Variants in MYCL observed in about 807,000 individuals in gnomAD.
MYCL encodes MYCL proto-oncogene, bHLH transcription factor.
MYCL carries 11 observed loss-of-function variants against 31.0 expected under a neutral mutation model. The observed-to-expected ratio is 0.35, with a 90% CI of 0.22 to 0.59. MYCL has a LOEUF of 0.59. Among genes scored for constraint, MYCL ranks in the 20% least tolerant of loss-of-function variants. The pLI is 0.79. For missense variants in MYCL, 427 were observed against 486.1 expected, an observed-to-expected ratio of 0.88 and a Z score of 1.14; for synonymous variants, 208 against 202.4, an observed-to-expected ratio of 1.03 and a Z score of -0.23.
chr1:39,900,603 G>A, intron 1 of MYCL: 2 of 1,236,664 alleles, frequency 1.6e-6, no homozygotes, highest in Non-Finnish European at 2.0e-6. Flanking sequence ...AAAACTTCAG[G>A]TTTGGAGTGT....
chr1:39,901,440 C>T lies in MYCL; in HGVS notation c.-6G>A, dbSNP rs2124721028. On this transcript the variant is annotated 5_prime_UTR_variant, in exon 1 of 2. Transcript: ENST00000372816. The surrounding 1 kb of genome is among the most constrained non-coding windows in gnomAD (Gnocchi z 6.9). Reference sequence around the variant, plus strand: ...TGGTACGAGTCGTAGTCCATGTCCGCTCCCTGCGGGAGGGAAGGGGGGACG... The same window carrying T: ...TGGTACGAGTCGTAGTCCATGTCCGTTCCCTGCGGGAGGGAAGGGGGGACG... The T allele has an allele frequency of 1.2e-6, 2 of 1,609,798 alleles. No individual in the cohort carries two copies. The highest frequency in any genetic ancestry group is 2.2e-5 in the East Asian group (1 of 44,760).
At chr1:39,900,544 T>TCTCC in intron 1 of MYCL, 5 of 1,158,842 alleles carry the variant, frequency 4.3e-6, no homozygotes, top group South Asian at 8.7e-5. Context: ...CTCGGCTTCT[T>TCTCC]CTCCCCCTAG....
At chr1:39,900,065 A>AC in intron 1 of MYCL, 1 of 985,324 alleles carries the variant, frequency 1.0e-6, no homozygotes. Context: ...TACTGCCTTG[A>AC]CCCCAGCATG....
rs893214182 is a variant in MYCL at position 39,901,629 on chromosome 1, C to G, written c.-195G>C. On this transcript the variant is annotated 5_prime_UTR_variant, in exon 1 of 2. Coordinates refer to ENST00000372816, the MANE Select transcript of MYCL (RefSeq NM_001033081.3). The surrounding 1 kb of genome is among the most constrained non-coding windows in gnomAD (Gnocchi z 6.9). ...GGTCAGAGTGGTAGGGGAAGCCAAT[C>G]GCAGCGCGCGGACCCGACTGTGGGC... is the stretch of plus-strand genomic sequence containing the variant. The G allele has an allele frequency of 2.4e-5, 34 of 1,388,088 alleles. No homozygotes were observed. Among genetic ancestry groups the G allele is most frequent in the African/African-American group, 3.0e-5 (2 of 65,858 alleles). The allele number at this position is 1,388,088 out of a possible 1,614,324, so 86.0% of individuals were successfully genotyped here. A position where few individuals can be genotyped will look rare whatever the true frequency, so the allele number is the denominator to read the frequency against.
chr1:39,900,133 C>T (rs1053501577), intron 1 of MYCL: 2 of 985,590 alleles, frequency 2.0e-6, no homozygotes, highest in Middle Eastern at 5.2e-4. Flanking sequence ...TGCCAGGGAG[C>T]AGCTGACGCT....
chr1:39,898,165 G>A, intron 1 of MYCL, 195 bp from the exon 2 acceptor site: 1 of 740,444 alleles, frequency 1.4e-6, no homozygotes, highest in Non-Finnish European at 2.1e-6. Context: ...GAAAGGAGGG[G>A]ACATTAGCAA....
chr1:39,897,262 G>T lies in MYCL; in HGVS notation c.*110C>A. ...GCTGCAATGCATTCTGGGATCTACTGTCCAGACTGTCCCACCATAACCAAA... is the reference window on the plus strand; with the variant it reads ...GCTGCAATGCATTCTGGGATCTACTTTCCAGACTGTCCCACCATAACCAAA... On this transcript the variant is annotated 3_prime_UTR_variant, in exon 2 of 2. Coordinates refer to ENST00000372816, the MANE Select transcript of MYCL (RefSeq NM_001033081.3). The surrounding 1 kb of genome is among the most constrained non-coding windows in gnomAD (Gnocchi z 4.3). 1 of 960,096 alleles carries T rather than the reference G, an allele frequency of 1.0e-6. No individual in the cohort carries two copies. 59.5% of individuals were successfully genotyped at this position (960,096 alleles called of 1,614,324 possible).
In MYCL at chr1:39,901,506, G is replaced by C; in HGVS notation, c.-72C>G. On this transcript the variant is annotated 5_prime_UTR_variant, in exon 1 of 2. Transcript: ENST00000372816. The surrounding 1 kb of genome is among the most constrained non-coding windows in gnomAD (Gnocchi z 6.9). ...GGCCGGGCGAAGGAGGTGTCCCCGG[G>C]TCCCTCGGCACAGTCGGCTGCCGGG... 1.3e-6 allele frequency: 2 copies of C among 1,564,112 alleles called. No homozygotes were observed. The highest frequency in any genetic ancestry group is 1.7e-6 in the Non-Finnish European group (2 of 1,164,714).
chr1:39,897,348 A>G lies in MYCL; in HGVS notation c.*24T>C, dbSNP rs1644491618. The G allele has an allele frequency of 1.3e-6, 2 of 1,552,444 alleles. No individual in the cohort carries two copies. The highest frequency in any genetic ancestry group is 2.8e-5 in the African/African-American group (2 of 72,618). On this transcript the variant is annotated 3_prime_UTR_variant, in exon 2 of 2. Coordinates refer to ENST00000372816, the MANE Select transcript of MYCL (RefSeq NM_001033081.3). This position sits in a 1 kb window ranked among gnomAD's most constrained non-coding sequence, Gnocchi z 4.3. ...AAATAAACTTGTGTCTTCGTAAGACAGAACTGTCAGGCTTTTTGGTCAGTT... is the reference window on the plus strand; with the variant it reads ...AAATAAACTTGTGTCTTCGTAAGACGGAACTGTCAGGCTTTTTGGTCAGTT...
In MYCL at chr1:39,901,719, G is replaced by A. The variant is rs2124721660; in HGVS notation, c.-285C>T. 8.2e-7 allele frequency: 1 copy of A among 1,213,350 alleles called. No homozygotes were observed. 75.2% of individuals were successfully genotyped at this position (1,213,350 alleles called of 1,614,324 possible). A position where few individuals can be genotyped will look rare whatever the true frequency, so the allele number is the denominator to read the frequency against. The stretch of plus-strand genomic sequence containing the variant: ...GCAGCTCCCAGGGCCCGGCGGGGCC[G>A]GGCGGGGGCGCGCCGTGCCCAGAAG... On this transcript the variant is annotated 5_prime_UTR_variant, in exon 1 of 2. Coordinates refer to ENST00000372816, the MANE Select transcript of MYCL (RefSeq NM_001033081.3). The surrounding 1 kb of genome is among the most constrained non-coding windows in gnomAD (Gnocchi z 6.9).
Position 39,901,375 on chromosome 1 carries a change from G to A in MYCL, c.60C>T (p.Tyr20=). 6.2e-7 allele frequency: 1 copy of A among 1,612,596 alleles called. No individual in the cohort carries two copies. Among genetic ancestry groups the A allele is most frequent in the Non-Finnish European group, 8.5e-7 (1 of 1,179,618 alleles). ...TGTCCTCGCTGGGCGCCGTGGAGCG[G>A]TAGAAATCCTCCCCGCAGTCATAGT... is the stretch of plus-strand genomic sequence containing the variant. ...FYDYDCGEDF[Y]RSTAPSEDIW... is the part of the protein sequence containing the mutation. The change falls in exon 1 of 2, where the codon TAC becomes TAT. Residue 20 remains tyrosine, a synonymous_variant. Transcript: ENST00000372816. The surrounding 1 kb of genome is among the most constrained non-coding windows in gnomAD (Gnocchi z 6.9).
chr1:39,900,536 C>CG (rs1384160899), intron 1 of MYCL: 1 of 1,143,052 alleles, frequency 8.7e-7, no homozygotes, highest in Non-Finnish European at 1.1e-6. Context: ...AAAAGGCTCT[C>CG]GGCTTCTTCT....
chr1:39,898,444 G>A (rs1358908727), intron 1 of MYCL, among the ~76,000 whole-genome samples: 1 of 152,204 alleles, frequency 6.6e-6, no homozygotes, highest in East Asian at 1.9e-4. Context: ...TTGGGGAATT[G>A]TTACTTTTCA....
chr1:39,901,767 C>A lies in MYCL; in HGVS notation c.-333G>T. The A allele has an allele frequency of 1.6e-6, 2 of 1,230,800 alleles. No individual in the cohort carries two copies. Among genetic ancestry groups the A allele is most frequent in the Non-Finnish European group, 2.0e-6 (2 of 982,156 alleles). The allele number at this position is 1,230,800 out of a possible 1,614,324, so 76.2% of individuals were successfully genotyped here. Reference sequence around the variant, plus strand: ...AAGGCAGCCTGCAGCCAGCCCGCACCGCGGGACCCGCGCCCGTGCCCTGGC... The same window carrying A: ...AAGGCAGCCTGCAGCCAGCCCGCACAGCGGGACCCGCGCCCGTGCCCTGGC... On this transcript the variant is annotated 5_prime_UTR_variant, in exon 1 of 2. Transcript: ENST00000372816. The surrounding 1 kb of genome is among the most constrained non-coding windows in gnomAD (Gnocchi z 6.9).
chr1:39,897,418 C>T lies in MYCL; in HGVS notation c.1049G>A (p.Arg350Gln), dbSNP rs561113951. Residue 350 changes from arginine to glutamine, a missense_variant, in exon 2 of 2, where the codon CGG (arginine) becomes CAG (glutamine). Coordinates refer to ENST00000372816, the MANE Select transcript of MYCL (RefSeq NM_001033081.3). This position sits in a 1 kb window ranked among gnomAD's most constrained non-coding sequence, Gnocchi z 4.3. ...AATTCTTTTCTGCAACTGCTGCTGCCGGCATCGGAGCTGTCTTTTCTCTGT... is the reference window on the plus strand; with the variant it reads ...AATTCTTTTCTGCAACTGCTGCTGCTGGCATCGGAGCTGTCTTTTCTCTGT... ...MATEKRQLRC[R>Q]QQQLQKRIAY... 1.4e-5 allele frequency: 22 copies of T among 1,610,930 alleles called. No homozygotes were observed. The highest frequency in any genetic ancestry group is 2.7e-5 in the African/African-American group (2 of 74,960).
rs1644539675 is a variant in MYCL, at chr1:39,901,474, G to A, written c.-40C>T. 2.5e-6 allele frequency: 4 copies of A among 1,595,042 alleles called. No individual in the cohort carries two copies. The highest frequency in any genetic ancestry group is 1.3e-5 in the African/African-American group (1 of 74,696). On this transcript the variant is annotated 5_prime_UTR_variant, in exon 1 of 2. Transcript: ENST00000372816. The surrounding 1 kb of genome is among the most constrained non-coding windows in gnomAD (Gnocchi z 6.9). ...GGAGGGAAGGGGGGACGTGCTGACC[G>A]GGTGCCGGCCGGGCGAAGGAGGTGT...
intron 1 of MYCL, chr1:39,900,108 TGAA>T: frequency 1.0e-6 from 1 of 985,396 alleles, no homozygotes; most frequent in Non-Finnish European, 1.2e-6. Context: ...TAGGGGCCAG[TGAA>T]TATTTGTTGA....
intron 1 of MYCL, chr1:39,898,547 T>C (rs948230756): frequency 2.0e-5 from 12 of 600,864 alleles, no homozygotes; most frequent in Non-Finnish European, 2.5e-5. Flanking sequence ...CCCATCCCTC[T>C]TCACCCACAG....
rs142167779 is a variant in MYCL, at chr1:39,897,523, G to T, written c.944C>A (p.Ser315Tyr). 30 of 1,614,112 alleles carry T rather than the reference G, an allele frequency of 1.9e-5. No homozygotes were observed. Among genetic ancestry groups the T allele is most frequent in the Non-Finnish European group, 2.5e-5 (30 of 1,180,054 alleles). ...RDQVPTLASC[S>Y]KAPKVVILSK... ...TAGGATCACTACTTTGGGGGCCTTG[G>T]AGCAGCTGGCCAGGGTGGGCACCTG... The change falls in exon 2 of 2, where the codon TCC (serine) becomes TAC (tyrosine). Residue 315 changes from serine (S) to tyrosine (Y), a missense_variant. By Grantham distance (144) the Ser-to-Tyr change is moderately radical. Transcript: ENST00000372816. The surrounding 1 kb of genome is among the most constrained non-coding windows in gnomAD (Gnocchi z 4.3).
Sources: gnomAD v4.1 joint callset for allele counts (sites outside exome capture counted in the v4.1 genomes callset) on GRCh38, gnomAD v4.1.1 for gene constraint, Gnocchi (gnomAD v3.1) non-coding constraint, MANE v1.5 for transcripts, NCBI Gene and HGNC (gene_info 2026-07-23, HGNC 2026-07-21) for gene names.